CDH13: variants seen among roughly 807,000 people sequenced by gnomAD.
CDH13 encodes cadherin 13.
CDH13 carries 24 observed loss-of-function variants against 63.8 expected under a neutral mutation model. The ratio of observed to expected loss-of-function variants is 0.38; its 90% CI spans 0.27 to 0.53. The LOEUF (loss-of-function observed/expected upper bound fraction) is 0.53. CDH13 is among the 20% of genes least tolerant of loss of function. The pLI is 0.85. For synonymous variants in CDH13, 503 were observed against 355.3 expected, an observed-to-expected ratio of 1.42 and a Z score of -4.67; for missense variants, 1,049 against 903.1, an observed-to-expected ratio of 1.16 and a Z score of -2.07.
At chr16:83,177,301 C>G (rs529129792) in intron 4 of CDH13, among the ~76,000 whole-genome samples, 20 of 152,154 alleles carry the variant, frequency 1.3e-4, no homozygotes, top group African/African-American at 4.8e-4. Flanking sequence ...CATTTATTTC[C>G]CTCGCTAGTT....
chr16:82,693,514 G>A (rs148889616), intron 1 of CDH13, among the ~76,000 whole-genome samples: 8 of 152,228 alleles, frequency 5.3e-5, no homozygotes, highest in African/African-American at 9.6e-5. Flanking sequence ...TTAGTTACTC[G>A]CTCTCCCCTG....
intron 7 of CDH13, among the ~76,000 whole-genome samples, chr16:83,498,843 C>T (rs1445533673): frequency 6.6e-6 from 1 of 152,194 alleles, no homozygotes; most frequent in African/African-American, 2.4e-5. Flanking sequence ...TTCAGTGCCG[C>T]ATTATCATAT....
chr16:83,757,468 C>A (rs1215290515), intron 11 of CDH13, among the ~76,000 whole-genome samples: 2 of 152,140 alleles, frequency 1.3e-5, no homozygotes, highest in Non-Finnish European at 2.9e-5. Context: ...ATCTCAGTTA[C>A]TTGGGAGCCT....
At chr16:83,044,238 G>T (rs1416704981) in intron 3 of CDH13, among the ~76,000 whole-genome samples, 1 of 152,200 alleles carries the variant, frequency 6.6e-6, no homozygotes, top group Non-Finnish European at 1.5e-5. Flanking sequence ...TAAGTGGCAG[G>T]ACTGGAAGTT....
At chr16:83,595,957 G>A (rs570804366) in intron 7 of CDH13, among the ~76,000 whole-genome samples, 2 of 152,328 alleles carry the variant, frequency 1.3e-5, no homozygotes, top group South Asian at 2.1e-4. Flanking sequence ...GGCCATCAAA[G>A]CTCCAGTCCT....
chr16:83,620,396 A>AG (rs1909704392), intron 8 of CDH13, among the ~76,000 whole-genome samples: 1 of 151,770 alleles, frequency 6.6e-6, no homozygotes, highest in Non-Finnish European at 1.5e-5. Context: ...TCTCAAAAAA[A>AG]AAAAAAAAAA....
chr16:83,626,552 G>A (rs912472545), intron 8 of CDH13, among the ~76,000 whole-genome samples: 3 of 152,284 alleles, frequency 2.0e-5, no homozygotes, highest in Admixed American at 1.3e-4. Context: ...CCTGGACTGG[G>A]TGGGGCTGAC....
intron 1 of CDH13, among the ~76,000 whole-genome samples, chr16:82,813,081 A>T (rs73606824): frequency 0.02 from 3,096 of 152,270 alleles, 87 homozygotes; most frequent in African/African-American, 0.069. Context: ...CCCATCTTAG[A>T]GAAGAGCCTT....
chr16:82,978,663 A>G (rs981856002), intron 2 of CDH13, among the ~76,000 whole-genome samples: 1 of 152,246 alleles, frequency 6.6e-6, no homozygotes, highest in Non-Finnish European at 1.5e-5. Flanking sequence ...AGGTTTGGGA[A>G]CCTCTGTCTA....
At chr16:82,889,984 C>T (rs1349845162) in intron 2 of CDH13, among the ~76,000 whole-genome samples, 1 of 152,242 alleles carries the variant, frequency 6.6e-6, no homozygotes, top group Non-Finnish European at 1.5e-5. Context: ...GGGGTACTGT[C>T]TCCCAGTACT....
intron 2 of CDH13, among the ~76,000 whole-genome samples, chr16:82,921,984 C>G (rs901346556): frequency 6.6e-6 from 1 of 151,668 alleles, no homozygotes; most frequent in African/African-American, 2.4e-5. Flanking sequence ...CTTCTTGAAC[C>G]AGTTTGGTAA....
rs1023265203 is a variant in CDH13 at position 82,667,718 on chromosome 16, C to T, written c.45+40581C>T. On this transcript the variant is annotated intron_variant, in intron 1 of 13. Transcript: ENST00000567109. ...ATGATGTTTGGTGCAGTCTTGAAAG[C>T]GCAGTCACTATGGAGCCGCCCCCCG... 5.3e-5 allele frequency among the ~76,000 whole-genome samples: 8 copies of T among 152,112 alleles called. 1 individual carries two copies. Among genetic ancestry groups the T allele is most frequent in the Admixed American group, 3.9e-4 (6 of 15,284 alleles).
At position 83,034,056 on chromosome 16, in the gene CDH13, G is replaced by A. The variant is rs938849112; in HGVS notation, c.366+1838G>A. ...CTGGCAATGTGAGAGTTACCTTCCCGCCAGTGCTGTCTGTGTGATCTTGAG... is the reference window on the plus strand; with the variant it reads ...CTGGCAATGTGAGAGTTACCTTCCCACCAGTGCTGTCTGTGTGATCTTGAG... On this transcript the variant is annotated intron_variant, in intron 3 of 13. Coordinates refer to ENST00000567109, the MANE Select transcript of CDH13 (RefSeq NM_001257.5). Among the ~76,000 whole-genome samples the A allele has an allele frequency of 3.3e-5, 5 of 152,068 alleles. No homozygotes were observed. The East Asian group carries it at 9.7e-4, about 29-fold the overall frequency.
chr16:83,100,197 A>T (rs942585441), intron 3 of CDH13, among the ~76,000 whole-genome samples: 1 of 152,194 alleles, frequency 6.6e-6, no homozygotes, highest in Non-Finnish European at 1.5e-5. Flanking sequence ...ATAAAAATTA[A>T]ATCCCTGCCT....
chr16:82,938,156 A>G (rs2042726935), intron 2 of CDH13, among the ~76,000 whole-genome samples: 1 of 152,208 alleles, frequency 6.6e-6, no homozygotes, highest in Non-Finnish European at 1.5e-5. Flanking sequence ...AAGAGCCTTT[A>G]CTGAAAAGGG....
At chr16:82,994,966 T>A (rs777932446) in intron 2 of CDH13, among the ~76,000 whole-genome samples, 2 of 152,210 alleles carry the variant, frequency 1.3e-5, no homozygotes, top group Non-Finnish European at 2.9e-5. Flanking sequence ...TGGGTAAAAT[T>A]GGGGTAATTA....
At chr16:82,648,280 G>C (rs904040575) in intron 1 of CDH13, among the ~76,000 whole-genome samples, 1 of 152,104 alleles carries the variant, frequency 6.6e-6, no homozygotes, top group African/African-American at 2.4e-5. Flanking sequence ...AGGAAAATAT[G>C]TACAAAATAC....
chr16:83,389,374 A>G (rs1478895607), intron 6 of CDH13, among the ~76,000 whole-genome samples: 1 of 151,968 alleles, frequency 6.6e-6, no homozygotes, highest in Non-Finnish European at 1.5e-5. Flanking sequence ...TTCAAATCTG[A>G]TTTTCTCAGT....
At chr16:83,153,606 C>T (rs1199408498) in intron 4 of CDH13, among the ~76,000 whole-genome samples, 1 of 152,140 alleles carries the variant, frequency 6.6e-6, no homozygotes, top group Admixed American at 6.5e-5. Flanking sequence ...TTTGGAGGTT[C>T]GAGGCAAGAT....
Sources: gnomAD v4.1 joint callset for allele counts (sites outside exome capture counted in the v4.1 genomes callset) on GRCh38, gnomAD v4.1.1 for gene constraint, MANE v1.5 for transcripts, NCBI Gene and HGNC (gene_info 2026-07-23, HGNC 2026-07-21) for gene names.